The following UROC1 variants were observed in gnomAD, a reference collection of about 807,000 sequenced individuals.
The protein encoded by UROC1 is urocanate hydratase 1.
A neutral mutation model predicts 89.5 loss-of-function variants in UROC1; 79 were observed. The observed-to-expected ratio is 0.88, with a 90% CI of 0.74 to 1.06. The LOEUF is 1.06. Among genes scored for constraint, UROC1 ranks in the 50% least tolerant of loss-of-function variants. The pLI is 0.00. For synonymous variants in UROC1, 361 were observed against 354.8 expected (o/e 1.02, Z -0.20); for missense variants, 885 against 907.8 (o/e 0.97, Z 0.32).
In UROC1 at chr3:126,505,763, C is replaced by A; in HGVS notation, c.751G>T (p.Gly251Ter). 1.2e-6 allele frequency: 2 copies of A among 1,613,886 alleles called. No homozygotes were observed. The highest frequency in any genetic ancestry group is 2.2e-5 in the East Asian group (1 of 44,882). ...GCCTTGGCCTGAGCCCCACTCATTC[C>A]GCCGAGCCCAGAGGTGACAAAGACC... is the stretch of plus-strand genomic sequence containing the variant. The part of the protein sequence containing the change: ...GKVFVTSGLG[G>*]MSGAQAKAAV... Residue 251 changes from glycine (G) to a stop codon, truncating the protein, a stop_gained, in exon 8 of 20, where the codon GGA becomes TGA. Transcript: ENST00000290868. LOFTEE classifies it high-confidence loss of function.
At chr3:126,505,148 G>A (rs909134916) in intron 8 of UROC1, among the ~76,000 whole-genome samples, 1 of 152,110 alleles carries the variant, frequency 6.6e-6, no homozygotes. Context: ...AAGCAGATGT[G>A]GGCACTATGC....
At chr3:126,485,499 C>G (rs1030162041) in intron 18 of UROC1, among the ~76,000 whole-genome samples, 1 of 152,014 alleles carries the variant, frequency 6.6e-6, no homozygotes, top group African/African-American at 2.4e-5. Context: ...GAGAGGTCCT[C>G]GGGGCAGAGG....
At chr3:126,488,389 G>A in intron 17 of UROC1, 110 bp from the exon 18 acceptor site, 1 of 1,232,650 alleles carries the variant, frequency 8.1e-7, no homozygotes, top group Non-Finnish European at 1.2e-6. Context: ...AGAAGGATGG[G>A]GCGGCAACTA....
At chr3:126,513,067 C>A (rs1469112631) in intron 1 of UROC1, among the ~76,000 whole-genome samples, 1 of 152,164 alleles carries the variant, frequency 6.6e-6, no homozygotes, top group African/African-American at 2.4e-5. Context: ...GCACGCCTGT[C>A]CTGCATGGTG....
chr3:126,491,704 C>T (rs564498984), intron 16 of UROC1, among the ~76,000 whole-genome samples: 2 of 152,356 alleles, frequency 1.3e-5, no homozygotes, highest in South Asian at 2.1e-4. Flanking sequence ...CAGAGCCCCT[C>T]GGAGCAAGCA....
chr3:126,511,559 G>A (rs1215475525), intron 1 of UROC1, among the ~76,000 whole-genome samples: 3 of 152,220 alleles, frequency 2.0e-5, no homozygotes, highest in African/African-American at 2.4e-5. Context: ...TTCATAATCA[G>A]TTGTGTCAAA....
rs1935881443 is a variant in UROC1 at position 126,500,104 on chromosome 3, A to G, written c.1196T>C (p.Phe399Ser). 1 of 1,613,782 alleles carries G rather than the reference A, an allele frequency of 6.2e-7. No individual in the cohort carries two copies. The highest frequency in any genetic ancestry group is 8.5e-7 in the Non-Finnish European group (1 of 1,180,000). Residue 399 changes from phenylalanine to serine, a missense_variant, in exon 12 of 20, where the codon TTC (phenylalanine) becomes TCC (serine). Physicochemically the swap from Phe to Ser is radical, Grantham distance 155. Transcript: ENST00000290868. The stretch of plus-strand genomic sequence containing the variant: ...GAAGGCATTGCCGTAGTCCCAGAAG[A>G]AGAACTTCTCCTCGGCCAACCTGTT... Reference protein sequence around the residue: ...AINRLAEEKFFFWDYGNAFLL... With the variant: ...AINRLAEEKFSFWDYGNAFLL...
At chr3:126,497,868 C>T (rs890219809) in intron 14 of UROC1, among the ~76,000 whole-genome samples, 183 bp downstream of exon 14, 1 of 152,252 alleles carries the variant, frequency 6.6e-6, no homozygotes, top group Non-Finnish European at 1.5e-5. Flanking sequence ...CTTTGCAACT[C>T]ACTCAAGTTT....
intron 4 of UROC1, 35 bp from the exon 5 acceptor site, chr3:126,508,130 C>T: frequency 6.2e-7 from 1 of 1,612,920 alleles, no homozygotes; most frequent in Non-Finnish European, 8.5e-7. Flanking sequence ...ATTCTGTCAA[C>T]AGAAGCAGCA....
intron 1 of UROC1, 35 bp downstream of exon 1, chr3:126,517,559 G>A (rs777775902): frequency 7.4e-6 from 12 of 1,612,288 alleles, no homozygotes; most frequent in Non-Finnish European, 8.5e-6. Flanking sequence ...GATGCCTAGA[G>A]GCCAAGGCCT....
intron 4 of UROC1, 134 bp from the exon 5 acceptor site, chr3:126,508,229 TC>T: frequency 6.6e-7 from 1 of 1,526,544 alleles, no homozygotes; most frequent in Middle Eastern, 2.1e-4. Context: ...CCCTGGTGCC[TC>T]CCTCAACACC....
At chr3:126,489,470 C>G in intron 16 of UROC1, 95 bp from the exon 17 acceptor site, 1 of 953,828 alleles carries the variant, frequency 1.0e-6, no homozygotes, top group Non-Finnish European at 1.7e-6. Context: ...CCAGAACCCG[C>G]TGGATTTCTC....
chr3:126,499,207 G>A, intron 13 of UROC1, 130 bp downstream of exon 13: 1 of 978,724 alleles, frequency 1.0e-6, no homozygotes, highest in Non-Finnish European at 1.6e-6. Flanking sequence ...GCAGTGTGGA[G>A]GTCTCAGCGC....
chr3:126,503,898 A>G (rs1395980963), intron 9 of UROC1, 97 bp downstream of exon 9: 2 of 1,362,816 alleles, frequency 1.5e-6, no homozygotes, highest in African/African-American at 2.8e-5. Flanking sequence ...CAGGCATTAA[A>G]CAGGCCCACA....
chr3:126,501,838 C>G (rs1935929442), intron 9 of UROC1: 1 of 1,599,368 alleles, frequency 6.3e-7, no homozygotes, highest in African/African-American at 1.3e-5. Context: ...AGCCAGGCAC[C>G]TCCCCTCCCC....
chr3:126,496,036 AC>A lies in UROC1; in HGVS notation c.1509+1del. Reference sequence around the variant, plus strand: ...CAGCCTCCCCCAGGCCTGGGCCCTCACCAGCCGGTGCCTGGCGGCCTCCCGG... The same window carrying A: ...CAGCCTCCCCCAGGCCTGGGCCCTCACAGCCGGTGCCTGGCGGCCTCCCGG... On this transcript the variant is annotated splice_donor_variant, in intron 15 of 19. Coordinates refer to ENST00000290868, the MANE Select transcript of UROC1 (RefSeq NM_144639.3). LOFTEE classifies it high-confidence loss of function. 1.3e-5 allele frequency: 21 copies of A among 1,612,056 alleles called. No individual in the cohort carries two copies. The highest frequency in any genetic ancestry group is 1.8e-5 in the Non-Finnish European group (21 of 1,179,754).
At position 126,482,196 on chromosome 3, in the gene UROC1, T is replaced by C; in HGVS notation, c.*149A>G. 1 of 1,163,240 alleles carries C rather than the reference T, an allele frequency of 8.6e-7. No individual in the cohort carries two copies. Among genetic ancestry groups the C allele is most frequent in the East Asian group, 2.4e-5 (1 of 41,560 alleles). 72.1% of individuals were successfully genotyped at this position (1,163,240 alleles called of 1,614,324 possible). On this transcript the variant is annotated 3_prime_UTR_variant, in exon 20 of 20. Coordinates refer to ENST00000290868, the MANE Select transcript of UROC1 (RefSeq NM_144639.3). ...GGCTGTCTGTAAAATGAGGCTGTGG[T>C]GGCACCCTGCACAGGGCACCATAAG...
chr3:126,495,875 G>A (rs977554001), intron 15 of UROC1, among the ~76,000 whole-genome samples, 163 bp downstream of exon 15: 7 of 152,314 alleles, frequency 4.6e-5, no homozygotes, highest in Admixed American at 4.6e-4. Flanking sequence ...GGCCACCATG[G>A]GGCTGGCACA....
At chr3:126,503,441 ACTGAAATACCT>A (rs1032910449) in intron 9 of UROC1, among the ~76,000 whole-genome samples, 5 of 152,192 alleles carry the variant, frequency 3.3e-5, no homozygotes, top group Non-Finnish European at 7.4e-5. Context: ...CCACCATCCC[ACTGAAATACCT>A]CTGAAGACTT....
Sources: allele counts gnomAD v4.1 joint callset (sites outside exome capture counted in the v4.1 genomes callset), GRCh38; gene constraint gnomAD v4.1.1; transcripts MANE v1.5; gene names NCBI Gene and HGNC (gene_info 2026-07-23, HGNC 2026-07-21).